Variants in DIAPH3 observed in about 807,000 individuals in gnomAD.
The protein encoded by DIAPH3 is diaphanous related formin 3, also known as protein diaphanous homolog 3.
A neutral mutation model predicts 144.3 loss-of-function variants in DIAPH3; 117 were observed. That is an observed-to-expected ratio of 0.81 (90% CI 0.70 to 0.95). The LOEUF (loss-of-function observed/expected upper bound fraction) is 0.95, where lower values mean the gene tolerates loss of function less well. Among genes scored for constraint, DIAPH3 ranks in the 40% least tolerant of loss-of-function variants. The pLI, the probability that DIAPH3 is intolerant of heterozygous loss-of-function variation, is 0.00. For synonymous variants in DIAPH3, 519 were observed against 488.9 expected, an observed-to-expected ratio of 1.06 and a Z score of -0.81; for missense variants, 1,421 against 1,412.7, an observed-to-expected ratio of 1.01 and a Z score of -0.09.
Position 59,853,626 on chromosome 13 carries a change from C to T in DIAPH3, c.2737+7781G>A, listed in dbSNP as rs73543244. Among the ~76,000 whole-genome samples the T allele has an allele frequency of 4.1e-3, 625 of 152,190 alleles. 5 individuals carry two copies. Among genetic ancestry groups the T allele is most frequent in the African/African-American group, 0.014 (588 of 41,532 alleles). ...TCTTCCTGTATAGCCTGTGTAACTGCGAGCCACTTAAACCACTTTTCTTTA... is the reference window on the plus strand; with the variant it reads ...TCTTCCTGTATAGCCTGTGTAACTGTGAGCCACTTAAACCACTTTTCTTTA... On this transcript the variant is annotated intron_variant, in intron 22 of 27. Transcript: ENST00000400324.
At chr13:60,114,189 A>T (rs1330078432) in intron 2 of DIAPH3, among the ~76,000 whole-genome samples, 6 of 148,142 alleles carry the variant, frequency 4.1e-5, no homozygotes, top group African/African-American at 1.5e-4. Context: ...TAAAATGGGC[A>T]TTTTTTTTTT....
At chr13:59,758,987 T>C (rs1261374357) in intron 27 of DIAPH3, among the ~76,000 whole-genome samples, 1 of 145,730 alleles carries the variant, frequency 6.9e-6, no homozygotes. Context: ...AAACAGCATC[T>C]CACTATATTG....
At chr13:60,067,138 A>G (rs2141326730) in intron 4 of DIAPH3, among the ~76,000 whole-genome samples, 1 of 152,262 alleles carries the variant, frequency 6.6e-6, no homozygotes, top group Non-Finnish European at 1.5e-5. Flanking sequence ...ATGAAACATT[A>G]GGCAGGCATG....
rs577641485 is a variant in DIAPH3, at chr13:59,789,784, A to G, written c.3164-14961T>C. ...ATTCGAGGCTGAAGAACTGCCATCAAATGTTTTTGAAAGGTGTGAAATAAT... is the reference window on the plus strand; with the variant it reads ...ATTCGAGGCTGAAGAACTGCCATCAGATGTTTTTGAAAGGTGTGAAATAAT... On this transcript the variant is annotated intron_variant, in intron 25 of 27. Coordinates refer to ENST00000400324, the MANE Select transcript of DIAPH3 (RefSeq NM_001042517.2). 2.3e-4 allele frequency among the ~76,000 whole-genome samples: 35 copies of G among 152,278 alleles called. No homozygotes were observed. In the South Asian group the frequency reaches 7.1e-3, roughly 31 times the overall value.
chr13:60,115,184 A>G (rs1294406600), intron 2 of DIAPH3, among the ~76,000 whole-genome samples: 1 of 152,132 alleles, frequency 6.6e-6, no homozygotes, highest in Non-Finnish European at 1.5e-5. Context: ...TGAAATGGTG[A>G]CCAACACAGC....
At chr13:59,841,210 T>G (rs2042323519) in intron 22 of DIAPH3, among the ~76,000 whole-genome samples, 1 of 152,120 alleles carries the variant, frequency 6.6e-6, no homozygotes, top group Non-Finnish European at 1.5e-5. Flanking sequence ...CTCATTAGCA[T>G]TTCCTCTATC....
At chr13:59,981,475 G>A (rs186453505) in intron 13 of DIAPH3, among the ~76,000 whole-genome samples, 10 of 148,136 alleles carry the variant, frequency 6.8e-5, no homozygotes, top group South Asian at 6.3e-4. Flanking sequence ...TGGCCATTAG[G>A]CCTGAAAACT....
chr13:59,707,310 G>A (rs1048127206), intron 27 of DIAPH3, among the ~76,000 whole-genome samples: 1 of 152,136 alleles, frequency 6.6e-6, no homozygotes, highest in African/African-American at 2.4e-5. Flanking sequence ...TCATTACTTG[G>A]TACATTAAAT....
intron 5 of DIAPH3, among the ~76,000 whole-genome samples, chr13:60,019,712 T>A (rs2141012482): frequency 6.6e-6 from 1 of 152,206 alleles, no homozygotes; most frequent in East Asian, 1.9e-4. Context: ...GAAATTCAGT[T>A]ACTACTTCCA....
chr13:59,865,600 G>A (rs145659740), intron 21 of DIAPH3, among the ~76,000 whole-genome samples: 67 of 152,008 alleles, frequency 4.4e-4, no homozygotes, highest in African/African-American at 1.5e-3. Context: ...TACATTTAAC[G>A]TGGCATAAAT....
chr13:60,066,103 A>G (rs2056953428), intron 4 of DIAPH3, among the ~76,000 whole-genome samples: 1 of 152,174 alleles, frequency 6.6e-6, no homozygotes, highest in Non-Finnish European at 1.5e-5. Flanking sequence ...ACTCAATAAC[A>G]TGAATCATAA....
At chr13:60,114,476 T>C (rs2058651404) in intron 2 of DIAPH3, among the ~76,000 whole-genome samples, 1 of 152,122 alleles carries the variant, frequency 6.6e-6, no homozygotes, top group Non-Finnish European at 1.5e-5. Context: ...ACATCAAATG[T>C]TGTAACACAA....
chr13:60,095,616 T>G (rs866164499), intron 3 of DIAPH3, among the ~76,000 whole-genome samples: 104 of 149,784 alleles, frequency 6.9e-4, no homozygotes, highest in East Asian at 2.5e-3. Flanking sequence ...TTTTTTGTGT[T>G]TTTTTTTTTT....
chr13:60,163,578 G>A lies in DIAPH3; in HGVS notation c.180+9C>T. ...GAGCGGCCCCACCCTAGCTCCAGGC[G>A]ATACTCACAAACTTGGGGCGCTTCT... is the stretch of plus-strand genomic sequence containing the variant. On this transcript the variant is annotated intron_variant, in intron 1 of 27. Transcript: ENST00000400324. The A allele has an allele frequency of 5.1e-6, 8 of 1,579,744 alleles. No individual in the cohort carries two copies. Among genetic ancestry groups the A allele is most frequent in the Non-Finnish European group, 6.9e-6 (8 of 1,159,010 alleles).
intron 21 of DIAPH3, 130 bp from the exon 22 acceptor site, chr13:59,861,666 G>T: frequency 9.9e-7 from 1 of 1,012,642 alleles, no homozygotes; most frequent in South Asian, 1.6e-5. Flanking sequence ...TTTCGTTTTT[G>T]AAAAACAAAT....
At chr13:60,043,197 T>C (rs1475544001) in intron 4 of DIAPH3, among the ~76,000 whole-genome samples, 1 of 152,204 alleles carries the variant, frequency 6.6e-6, no homozygotes, top group Non-Finnish European at 1.5e-5. Context: ...CTGAGCAGTG[T>C]AGAAAAGGCT....
intron 24 of DIAPH3, among the ~76,000 whole-genome samples, chr13:59,817,956 T>C (rs985738842): frequency 2.6e-5 from 4 of 152,094 alleles, no homozygotes; most frequent in East Asian, 1.9e-4. Flanking sequence ...GTGTACTTTC[T>C]TTACATTTGT....
At chr13:59,677,666 C>T (rs1387173650) in intron 27 of DIAPH3, among the ~76,000 whole-genome samples, 1 of 152,008 alleles carries the variant, frequency 6.6e-6, no homozygotes, top group Non-Finnish European at 1.5e-5. Context: ...AGATCTAGAA[C>T]CTGGAGTTTT....
intron 3 of DIAPH3, among the ~76,000 whole-genome samples, chr13:60,094,526 G>A (rs2058048690): frequency 2.6e-5 from 4 of 152,164 alleles, no homozygotes; most frequent in Non-Finnish European, 1.5e-5. Flanking sequence ...ATGGCTAAAG[G>A]AGAAGGGCAG....
Sources: gnomAD v4.1 joint callset for allele counts (sites outside exome capture counted in the v4.1 genomes callset) on GRCh38, gnomAD v4.1.1 for gene constraint, MANE v1.5 for transcripts, NCBI Gene and HGNC (gene_info 2026-07-23, HGNC 2026-07-21) for gene names.